STK32C: variants seen among roughly 807,000 people sequenced by gnomAD.
The protein encoded by STK32C is serine/threonine-protein kinase 32C.
Under a neutral mutation model 56.5 loss-of-function variants are expected in STK32C, and 31 were observed. That is an observed-to-expected ratio of 0.55 (90% CI 0.41 to 0.74). The LOEUF (loss-of-function observed/expected upper bound fraction) is 0.74, where lower values mean the gene tolerates loss of function less well. Ranked by LOEUF, STK32C falls within the 30% of genes least tolerant of loss-of-function variation. The pLI, the probability that STK32C is intolerant of heterozygous loss-of-function variation, is 0.00. For synonymous variants in STK32C, 309 were observed against 289.4 expected, an observed-to-expected ratio of 1.07 and a Z score of -0.69; for missense variants, 544 against 676.9, an observed-to-expected ratio of 0.80 and a Z score of 2.18.
upstream of STK32C, among the ~76,000 whole-genome samples, chr10:132,309,534 A>G (rs1041521910): frequency 6.6e-6 from 1 of 152,202 alleles, no homozygotes; most frequent in African/African-American, 2.4e-5. Context: ...TCGGTCTCTA[A>G]CTTCCAGTGC....
At chr10:132,312,023 T>C (rs112115660), upstream of STK32C, among the ~76,000 whole-genome samples, 25 of 152,312 alleles carry the variant, frequency 1.6e-4, no homozygotes, top group African/African-American at 5.8e-4. Flanking sequence ...AAGATTTTTT[T>C]TGAGACAGAG....
intron 1 of STK32C, among the ~76,000 whole-genome samples, chr10:132,277,220 G>A (rs2065019526): frequency 6.6e-6 from 1 of 152,198 alleles, no homozygotes; most frequent in Non-Finnish European, 1.5e-5. Flanking sequence ...CAAAACCACC[G>A]AAGACGGGCC....
chr10:132,324,465 T>C (rs1188587240), intron 1 of STK32C: 3 of 671,380 alleles, frequency 4.5e-6, no homozygotes, highest in Admixed American at 2.3e-5. Flanking sequence ...TGTATGATGA[T>C]TGGTTTAGCA....
chr10:132,261,307 A>G (rs1020054450), intron 1 of STK32C, among the ~76,000 whole-genome samples: 1 of 152,224 alleles, frequency 6.6e-6, no homozygotes, highest in Admixed American at 6.5e-5. Context: ...GAACCAACAT[A>G]CAACAATCCA....
Position 132,273,266 on chromosome 10 carries a change from C to T in STK32C, c.263-27311G>A, listed in dbSNP as rs527991469. 9.1e-4 allele frequency among the ~76,000 whole-genome samples: 139 copies of T among 152,072 alleles called. No homozygotes were observed. The Middle Eastern group carries it at 0.017, about 19-fold the overall frequency. ...CCCCACCAAGAGGGCAGCCCCCAGTCAAGAAAGGAAGCTGCTCAGCCCTAA... is the reference window on the plus strand; with the variant it reads ...CCCCACCAAGAGGGCAGCCCCCAGTTAAGAAAGGAAGCTGCTCAGCCCTAA... On this transcript the variant is annotated intron_variant, in intron 1 of 11. Coordinates refer to ENST00000298630, the MANE Select transcript of STK32C (RefSeq NM_173575.4).
At chr10:132,270,539 C>T (rs755374490) in intron 1 of STK32C, among the ~76,000 whole-genome samples, 4 of 152,206 alleles carry the variant, frequency 2.6e-5, no homozygotes, top group Non-Finnish European at 5.9e-5. Context: ...CTGTGGGAAC[C>T]GCAGGGTATG....
intron 1 of STK32C, among the ~76,000 whole-genome samples, chr10:132,272,055 G>A (rs12359870): frequency 0.21 from 32,043 of 152,244 alleles, 4,168 homozygotes; most frequent in Non-Finnish European, 0.31. Flanking sequence ...TGCAAGCCCC[G>A]GCAGGGTAGG....
chr10:132,248,374 C>T (rs1319970863), intron 1 of STK32C, among the ~76,000 whole-genome samples: 3 of 152,200 alleles, frequency 2.0e-5, no homozygotes, highest in Non-Finnish European at 4.4e-5. Flanking sequence ...CGGGGCCTGC[C>T]CTGCAGTGGG....
rs988595590 is a variant in STK32C at position 132,278,484 on chromosome 10, G to A, written c.262+29088C>T. Among the ~76,000 whole-genome samples, 233 of 152,138 alleles carry A rather than the reference G, an allele frequency of 1.5e-3. 5 individuals carry two copies. The highest frequency in any genetic ancestry group is 6.5e-4 in the Admixed American group (10 of 15,276). Reference sequence around the variant, plus strand: ...TTTTTAAAAAATCAAAATACCGGCCGGGCGCGGTGGCTCACGCCTGTAATC... The same window carrying A: ...TTTTTAAAAAATCAAAATACCGGCCAGGCGCGGTGGCTCACGCCTGTAATC... On this transcript the variant is annotated intron_variant, in intron 1 of 11. Transcript: ENST00000298630.
intron 1 of STK32C, among the ~76,000 whole-genome samples, chr10:132,267,452 T>C (rs1281249811): frequency 6.6e-6 from 1 of 152,240 alleles, no homozygotes; most frequent in Non-Finnish European, 1.5e-5. Context: ...TGCGTGTGCA[T>C]GCATGTGTAT....
chr10:132,241,764 G>A (rs1052164781), intron 2 of STK32C, among the ~76,000 whole-genome samples: 16 of 152,246 alleles, frequency 1.1e-4, no homozygotes, highest in African/African-American at 2.4e-4. Context: ...CTGCACCCTC[G>A]ACGGGCTGTC....
intron 1 of STK32C, among the ~76,000 whole-genome samples, chr10:132,325,469 C>T (rs185563976): frequency 2.6e-5 from 4 of 151,236 alleles, no homozygotes; most frequent in Admixed American, 2.6e-4. Flanking sequence ...AGGAGAATGG[C>T]GTGAACCCAG....
intron 2 of STK32C, among the ~76,000 whole-genome samples, chr10:132,230,363 C>G (rs1460699944): frequency 6.6e-6 from 1 of 152,234 alleles, no homozygotes; most frequent in Non-Finnish European, 1.5e-5. Flanking sequence ...CCCATGCACA[C>G]GGCCGCAGGA....
chr10:132,266,368 A>G (rs10870283), intron 1 of STK32C, among the ~76,000 whole-genome samples: 122,750 of 152,114 alleles, frequency 0.81, 50,477 homozygotes, highest in African/African-American at 0.91. Flanking sequence ...CAGAAGGAGG[A>G]CAACGTTCTC....
At chr10:132,253,564 CGAGGGAGCTG>C (rs143182942) in intron 1 of STK32C, among the ~76,000 whole-genome samples, 17 of 118,396 alleles carry the variant, frequency 1.4e-4, no homozygotes, top group Non-Finnish European at 2.3e-4. Context: ...TGGAGGGAGT[CGAGGGAGCTG>C]GAGGGAGCTG....
Position 132,307,943 on chromosome 10 carries a change from G to T in STK32C, c.-110C>A. 2 of 1,049,696 alleles carry T rather than the reference G, an allele frequency of 1.9e-6. No homozygotes were observed. Among genetic ancestry groups the T allele is most frequent in the South Asian group, 2.8e-5 (1 of 35,856 alleles). The allele number at this position is 1,049,696 out of a possible 1,614,324, so 65.0% of individuals were successfully genotyped here. ...TCGGGGCCGGCAGCGCCCGCCGTGC[G>T]CTCTTCTGGGCGGTGGAACCCGCCC... is the stretch of plus-strand genomic sequence containing the variant. On this transcript the variant is annotated 5_prime_UTR_variant, in exon 1 of 12. Transcript: ENST00000298630. The surrounding 1 kb of genome is among the most constrained non-coding windows in gnomAD (Gnocchi z 4.4).
chr10:132,220,321 C>T (rs1423352336), intron 10 of STK32C, among the ~76,000 whole-genome samples: 1 of 152,264 alleles, frequency 6.6e-6, no homozygotes, highest in African/African-American at 2.4e-5. Flanking sequence ...GGGGCAAGGA[C>T]TGGTTTTCCT....
At chr10:132,289,919 A>G (rs1015081443) in intron 1 of STK32C, among the ~76,000 whole-genome samples, 1 of 152,240 alleles carries the variant, frequency 6.6e-6, no homozygotes, top group African/African-American at 2.4e-5. Context: ...AGTCGTGAAT[A>G]TCATCAGTCA....
intron 4 of STK32C, among the ~76,000 whole-genome samples, chr10:132,226,193 A>G (rs774155195): frequency 2.0e-5 from 3 of 152,190 alleles, no homozygotes; most frequent in Admixed American, 1.3e-4. Context: ...CCTAGGTCAT[A>G]ATCAGACATC....
Sources: gnomAD v4.1 joint callset for allele counts (sites outside exome capture counted in the v4.1 genomes callset) on GRCh38, gnomAD v4.1.1 for gene constraint, Gnocchi (gnomAD v3.1) non-coding constraint, MANE v1.5 for transcripts, NCBI Gene and HGNC (gene_info 2026-07-23, HGNC 2026-07-21) for gene names.